Variants in CHRNA7 observed in about 807,000 individuals in gnomAD.
CHRNA7 encodes neuronal acetylcholine receptor subunit alpha-7.
A neutral mutation model predicts 48.0 loss-of-function variants in CHRNA7; 17 were observed. The ratio of observed to expected loss-of-function variants is 0.35; its 90% CI spans 0.24 to 0.53. The LOEUF (loss-of-function observed/expected upper bound fraction) is 0.53. Ranked by LOEUF, CHRNA7 falls within the 20% of genes least tolerant of loss-of-function variation. CHRNA7 has a pLI of 0.92. For missense variants in CHRNA7, 155 were observed against 577.7 expected (o/e 0.27, Z 7.50); for synonymous variants, 75 against 242.3 (o/e 0.31, Z 6.41).
At chr15:32,037,837 C>T (rs1595371595) in intron 2 of CHRNA7, among the ~76,000 whole-genome samples, 2 of 151,542 alleles carry the variant, frequency 1.3e-5, no homozygotes, top group Admixed American at 6.6e-5. Context: ...TCTACATGAA[C>T]GATCATGTCA....
intron 2 of CHRNA7, among the ~76,000 whole-genome samples, chr15:32,085,991 A>G (rs1317111652): frequency 1.3e-5 from 2 of 152,198 alleles, no homozygotes; most frequent in East Asian, 3.8e-4. Flanking sequence ...TCGTTTTACT[A>G]CAATGTGACT....
chr15:32,030,781 C>T (rs1458741232), intron 1 of CHRNA7, 117 bp from the exon 2 acceptor site: 3 of 1,504,314 alleles, frequency 2.0e-6, no homozygotes, highest in East Asian at 5.1e-5. Flanking sequence ...GGGGGCGCTG[C>T]GGGGGCTGCT....
chr15:32,086,185 T>C (rs867974679), intron 2 of CHRNA7, among the ~76,000 whole-genome samples: 14 of 151,918 alleles, frequency 9.2e-5, no homozygotes, highest in East Asian at 5.8e-4. Flanking sequence ...CTGGCTAACA[T>C]GGTGAAACCC....
At chr15:32,148,266 G>A (rs2051534339) in intron 4 of CHRNA7, among the ~76,000 whole-genome samples, 1 of 152,160 alleles carries the variant, frequency 6.6e-6, no homozygotes, top group Non-Finnish European at 1.5e-5. Flanking sequence ...GTGAACACGT[G>A]CCCTATTGGG....
In CHRNA7 at chr15:32,148,984, G is replaced by A. The variant is rs1357177597; in HGVS notation, c.351-4923G>A. ...CGTAGCTTGCGTCCTACATGTTTGAGTTACATTTGCCCCAGTCACCCCCTC... is the reference window on the plus strand; with the variant it reads ...CGTAGCTTGCGTCCTACATGTTTGAATTACATTTGCCCCAGTCACCCCCTC... On this transcript the variant is annotated intron_variant, in intron 4 of 9. Transcript: ENST00000306901. 2.0e-5 allele frequency among the ~76,000 whole-genome samples: 3 copies of A among 152,170 alleles called. 1 individual carries two copies. The highest frequency in any genetic ancestry group is 1.3e-4 in the Admixed American group (2 of 15,274).
intron 4 of CHRNA7, among the ~76,000 whole-genome samples, chr15:32,138,924 T>C (rs1359240680): frequency 1.3e-5 from 2 of 152,074 alleles, no homozygotes; most frequent in African/African-American, 2.4e-5. Flanking sequence ...TGGCTAATTT[T>C]TGTATTTTTA....
At chr15:32,044,518 C>T (rs573239534) in intron 2 of CHRNA7, among the ~76,000 whole-genome samples, 2 of 152,260 alleles carry the variant, frequency 1.3e-5, no homozygotes, top group South Asian at 2.1e-4. Flanking sequence ...CCTCATGATC[C>T]GCCTGCCTCA....
At chr15:32,043,258 T>G (rs1238025957) in intron 2 of CHRNA7, among the ~76,000 whole-genome samples, 1 of 151,096 alleles carries the variant, frequency 6.6e-6, no homozygotes, top group Non-Finnish European at 1.5e-5. Context: ...TTTAAAAATG[T>G]GTTTAAATGA....
At chr15:32,127,354 G>GT (rs2051085570) in intron 4 of CHRNA7, among the ~76,000 whole-genome samples, 1 of 152,172 alleles carries the variant, frequency 6.6e-6, no homozygotes, top group South Asian at 2.1e-4. Flanking sequence ...TTGTTAGGTT[G>GT]TATAATAAGC....
chr15:32,146,843 T>G (rs2051498837), intron 4 of CHRNA7, among the ~76,000 whole-genome samples: 1 of 152,160 alleles, frequency 6.6e-6, no homozygotes, highest in African/African-American at 2.4e-5. Context: ...CAAGTAAATT[T>G]AAAATTTACA....
intron 4 of CHRNA7, among the ~76,000 whole-genome samples, chr15:32,126,387 G>A (rs2051066805): frequency 6.6e-6 from 1 of 152,120 alleles, no homozygotes; most frequent in South Asian, 2.1e-4. Flanking sequence ...AGTCTACATT[G>A]ACACAATCTC....
At chr15:32,092,080 CA>C (rs775146863) in intron 2 of CHRNA7, among the ~76,000 whole-genome samples, 18 of 152,168 alleles carry the variant, frequency 1.2e-4, no homozygotes, top group Non-Finnish European at 2.5e-4. Flanking sequence ...CTTCCATTTC[CA>C]ACTTCTGTAA....
At chr15:32,094,101 G>A (rs2050427473) in intron 2 of CHRNA7, among the ~76,000 whole-genome samples, 1 of 152,158 alleles carries the variant, frequency 6.6e-6, no homozygotes, top group African/African-American at 2.4e-5. Context: ...TCAGAAATAA[G>A]CATATATCTG....
chr15:32,083,720 G>A (rs2050251580), intron 2 of CHRNA7, among the ~76,000 whole-genome samples: 1 of 152,106 alleles, frequency 6.6e-6, no homozygotes, highest in Admixed American at 6.5e-5. Flanking sequence ...ATATTAAGTG[G>A]CTCATATATA....
intron 4 of CHRNA7, among the ~76,000 whole-genome samples, chr15:32,137,027 G>C (rs1205046104): frequency 1.7e-5 from 1 of 58,424 alleles, no homozygotes; most frequent in Non-Finnish European, 2.7e-5. Context: ...GCGAGACTCC[G>C]TCTCAAAAAA....
chr15:32,166,583 ACTAT>A (rs1381096811), intron 9 of CHRNA7: 2 of 152,216 alleles, frequency 1.3e-5, no homozygotes, highest in African/African-American at 4.8e-5. Flanking sequence ...TGCACAATTT[ACTAT>A]CTGTATATTT....
At chr15:32,051,441 G>C (rs1242868812) in intron 2 of CHRNA7, among the ~76,000 whole-genome samples, 1 of 152,188 alleles carries the variant, frequency 6.6e-6, no homozygotes, top group Non-Finnish European at 1.5e-5. Flanking sequence ...ATGGGCGTAG[G>C]ACCCTCCGAG....
At chr15:32,114,210 C>A (rs918621711) in intron 4 of CHRNA7, among the ~76,000 whole-genome samples, 2 of 151,420 alleles carry the variant, frequency 1.3e-5, no homozygotes, top group Non-Finnish European at 2.9e-5. Context: ...CTTATTAACA[C>A]GGTTACAAGA....
chr15:32,164,913 TAAAAAAAAAAAAAAAAA>T lies in CHRNA7; in HGVS notation c.990+1593_990+1609del, dbSNP rs1164824394. Among the ~76,000 whole-genome samples, 83 of 15,956 alleles carry T rather than the reference TAAAAAAAAAAAAAAAAA, an allele frequency of 5.2e-3. 5 individuals carry two copies. Among genetic ancestry groups the T allele is most frequent in the Middle Eastern group, 0.1 (2 of 20 alleles). 10.5% of individuals were successfully genotyped at this position (15,956 alleles called of 152,430 possible). ...GGTGACAGAGCAAAACTCCATCTCC[TAAAAAAAAAAAAAAAAA>T]AAAAAAAAAAAAAAGACTGACTTGT... On this transcript the variant is annotated intron_variant, in intron 9 of 9. Transcript: ENST00000306901.
Sources: allele counts gnomAD v4.1 joint callset (sites outside exome capture counted in the v4.1 genomes callset), GRCh38; gene constraint gnomAD v4.1.1; transcripts MANE v1.5; gene names NCBI Gene and HGNC (gene_info 2026-07-23, HGNC 2026-07-21).